PTPRD: variants seen among roughly 807,000 people sequenced by gnomAD.
PTPRD encodes protein tyrosine phosphatase receptor type D.
Under a neutral mutation model 214.5 loss-of-function variants are expected in PTPRD, and 34 were observed. The ratio of observed to expected loss-of-function variants is 0.16; its 90% CI spans 0.12 to 0.21. The LOEUF (loss-of-function observed/expected upper bound fraction) is 0.21, where lower values mean the gene tolerates loss of function less well. Ranked by LOEUF, PTPRD falls within the 10% of genes least tolerant of loss-of-function variation. The probability of loss-of-function intolerance (pLI) is 1.00; values close to 1 mark genes in which losing one functional copy is unlikely to be tolerated. For synonymous variants in PTPRD, 1,128 were observed against 845.7 expected, an observed-to-expected ratio of 1.33 and a Z score of -5.79; for missense variants, 2,545 against 2,398.7, an observed-to-expected ratio of 1.06 and a Z score of -1.27.
At chr9:10,512,410 G>C (rs1460544234) in intron 2 of PTPRD, among the ~76,000 whole-genome samples, 2 of 151,960 alleles carry the variant, frequency 1.3e-5, no homozygotes, top group African/African-American at 4.8e-5. Flanking sequence ...AAAAAATGTT[G>C]ACCATGGGTA....
intron 2 of PTPRD, among the ~76,000 whole-genome samples, chr9:10,478,671 T>G (rs550200586): frequency 1.5e-3 from 231 of 152,086 alleles, no homozygotes; most frequent in African/African-American, 5.3e-3. Flanking sequence ...GCTGCTCATT[T>G]TTGACTTAAT....
chr9:10,513,380 T>C (rs1248195064), intron 2 of PTPRD, among the ~76,000 whole-genome samples: 1 of 152,092 alleles, frequency 6.6e-6, no homozygotes, highest in Non-Finnish European at 1.5e-5. Context: ...GTTAAACAAT[T>C]TGGATGTGGT....
chr9:10,023,664 T>C (rs1015957552), intron 4 of PTPRD, among the ~76,000 whole-genome samples: 15 of 151,942 alleles, frequency 9.9e-5, no homozygotes, highest in African/African-American at 3.6e-4. Flanking sequence ...TACAGAATTA[T>C]GGGAAATTTT....
At chr9:9,404,036 G>C (rs1233346782) in intron 8 of PTPRD, among the ~76,000 whole-genome samples, 1 of 151,982 alleles carries the variant, frequency 6.6e-6, no homozygotes, top group East Asian at 1.9e-4. Flanking sequence ...ACAAGGACTT[G>C]TGTACACTTA....
chr9:8,428,591 G>A (rs772516057), intron 35 of PTPRD, among the ~76,000 whole-genome samples: 6 of 151,984 alleles, frequency 3.9e-5, no homozygotes, highest in Admixed American at 6.6e-5. Flanking sequence ...GATCTCTGTC[G>A]TCCACCACTT....
In PTPRD at chr9:9,297,008, C is replaced by A. The variant is rs77046227; in HGVS notation, c.-203+100441G>T. ...CTGTTCAAATCTCTGCACCTTTAAG[C>A]AGACTGACTTGGAAAATGTATTTCT... On this transcript the variant is annotated intron_variant, in intron 9 of 45. Transcript: ENST00000381196. 5.6e-3 allele frequency among the ~76,000 whole-genome samples: 851 copies of A among 151,810 alleles called. 6 individuals are homozygous for A. The highest frequency in any genetic ancestry group is 0.013 in the African/African-American group (522 of 41,494).
At chr9:10,057,976 G>A (rs777169272) in intron 3 of PTPRD, among the ~76,000 whole-genome samples, 3 of 152,050 alleles carry the variant, frequency 2.0e-5, no homozygotes, top group Non-Finnish European at 4.4e-5. Flanking sequence ...GAAAGGGAGA[G>A]TTTATTTTGG....
intron 33 of PTPRD, among the ~76,000 whole-genome samples, chr9:8,453,773 G>A (rs1400050466): frequency 6.6e-6 from 1 of 152,160 alleles, no homozygotes; most frequent in East Asian, 1.9e-4. Flanking sequence ...GATTTAGTAG[G>A]TCTGAGGCGG....
At chr9:9,472,756 T>G (rs2094714210) in intron 8 of PTPRD, among the ~76,000 whole-genome samples, 1 of 152,188 alleles carries the variant, frequency 6.6e-6, no homozygotes, top group Non-Finnish European at 1.5e-5. Context: ...TTAAGTTCCC[T>G]TAATCGGCAT....
At chr9:9,121,044 C>G (rs182431255) in intron 10 of PTPRD, among the ~76,000 whole-genome samples, 3 of 152,052 alleles carry the variant, frequency 2.0e-5, no homozygotes, top group Non-Finnish European at 4.4e-5. Context: ...GAAAAGAAAA[C>G]GTACAGAGGT....
intron 5 of PTPRD, among the ~76,000 whole-genome samples, chr9:9,775,485 C>T (rs2098790362): frequency 6.6e-6 from 1 of 152,092 alleles, no homozygotes; most frequent in African/African-American, 2.4e-5. Context: ...ATTAATTCAC[C>T]TCTGTATTTC....
chr9:8,865,153 T>TA lies in PTPRD; in HGVS notation c.-103-131208_-103-131207insT, dbSNP rs1555451623. ...TTTTTAAAAATAAATCTATCATTCTTTCTTTAATCATAATACAAACCATCC... is the reference window on the plus strand; with the variant it reads ...TTTTTAAAAATAAATCTATCATTCTTATCTTTAATCATAATACAAACCATCC... On this transcript the variant is annotated intron_variant, in intron 11 of 45. Transcript: ENST00000381196. Among the ~76,000 whole-genome samples the TA allele has an allele frequency of 3.7e-3, 557 of 151,604 alleles. 2 individuals are homozygous for TA. Among genetic ancestry groups the TA allele is most frequent in the African/African-American group, 0.013 (534 of 41,362 alleles).
intron 9 of PTPRD, among the ~76,000 whole-genome samples, chr9:9,234,794 T>C (rs188296159): frequency 6.6e-6 from 1 of 152,276 alleles, no homozygotes; most frequent in Admixed American, 6.5e-5. Context: ...GACTTCATTG[T>C]CCATACCACT....
intron 9 of PTPRD, among the ~76,000 whole-genome samples, chr9:9,296,575 G>C (rs1378930309): frequency 1.3e-5 from 2 of 151,666 alleles, no homozygotes; most frequent in African/African-American, 4.8e-5. Flanking sequence ...AGTGATAGTA[G>C]AGTTCTAATT....
At chr9:9,342,862 C>T (rs1484664211) in intron 9 of PTPRD, among the ~76,000 whole-genome samples, 2 of 152,066 alleles carry the variant, frequency 1.3e-5, no homozygotes, top group Non-Finnish European at 2.9e-5. Context: ...CCTCCCCTAG[C>T]CCCCTACCCC....
chr9:10,386,114 T>C (rs1304235753), intron 2 of PTPRD, among the ~76,000 whole-genome samples: 2 of 151,878 alleles, frequency 1.3e-5, no homozygotes, highest in South Asian at 2.1e-4. Context: ...GTGGATTTTA[T>C]TATCCAGAAT....
intron 7 of PTPRD, among the ~76,000 whole-genome samples, chr9:9,649,756 C>A (rs1368537251): frequency 6.6e-6 from 1 of 152,076 alleles, no homozygotes. Flanking sequence ...ATATATTTAC[C>A]TGATTATTCT....
At chr9:10,360,796 A>G (rs1376502579) in intron 2 of PTPRD, among the ~76,000 whole-genome samples, 1 of 152,152 alleles carries the variant, frequency 6.6e-6, no homozygotes, top group Admixed American at 6.5e-5. Context: ...ATCTCATTAA[A>G]GGGTCCTGTA....
At chr9:9,172,480 T>C (rs1323093868) in intron 10 of PTPRD, among the ~76,000 whole-genome samples, 1 of 152,164 alleles carries the variant, frequency 6.6e-6, no homozygotes, top group Non-Finnish European at 1.5e-5. Context: ...AGTGATCCCT[T>C]GCCCGTTTGG....
Sources: allele counts gnomAD v4.1 joint callset (sites outside exome capture counted in the v4.1 genomes callset), GRCh38; gene constraint gnomAD v4.1.1; transcripts MANE v1.5; gene names NCBI Gene and HGNC (gene_info 2026-07-23, HGNC 2026-07-21).